Variants in NUP62CL observed in about 807,000 individuals in gnomAD.
NUP62CL encodes nucleoporin 62 C-terminal like.
NUP62CL carries 13 observed loss-of-function variants against 15.3 expected under a neutral mutation model. That is an observed-to-expected ratio of 0.85 (90% confidence interval 0.55 to 1.35). NUP62CL has a LOEUF of 1.35. NUP62CL is among the 40% of genes most tolerant of loss of function. The probability of loss-of-function intolerance (pLI) is 0.00; values close to 1 mark genes in which losing one functional copy is unlikely to be tolerated. For missense variants in NUP62CL, 123 were observed against 130.6 expected, an observed-to-expected ratio of 0.94 and a Z score of 0.28; for synonymous variants, 54 against 49.2, an observed-to-expected ratio of 1.10 and a Z score of -0.41.
At chrX:107,145,535 C>G (rs1490586923) in intron 8 of NUP62CL, among the ~76,000 whole-genome samples, 1 of 111,323 alleles carries the variant, frequency 9.0e-6, no homozygotes, top group Non-Finnish European at 1.9e-5. Context: ...CTAAATCTTC[C>G]TCTTTGCAAA....
chrX:107,201,239 C>T (rs1015393214), intron 1 of NUP62CL, among the ~76,000 whole-genome samples: 14 of 111,022 alleles, frequency 1.3e-4, no homozygotes, highest in South Asian at 1.1e-3. Flanking sequence ...TTAAACTGTA[C>T]AATTTTGGTA....
chrX:107,177,601 C>G (rs1321428611), intron 2 of NUP62CL, among the ~76,000 whole-genome samples: 1 of 111,498 alleles, frequency 9.0e-6, no homozygotes, highest in African/African-American at 3.3e-5. Context: ...ATTGCTGATA[C>G]AAATGGCCAA....
intron 2 of NUP62CL, among the ~76,000 whole-genome samples, chrX:107,181,826 A>T (rs1020794151): frequency 6.2e-5 from 7 of 112,197 alleles, no homozygotes; most frequent in Non-Finnish European, 1.3e-4. Context: ...GCATATTTTT[A>T]AAAGTTTACT....
chrX:107,126,917 C>T (rs909439728), intron 8 of NUP62CL, among the ~76,000 whole-genome samples: 5 of 110,340 alleles, frequency 4.5e-5, no homozygotes, highest in Non-Finnish European at 9.5e-5. Flanking sequence ...GCCTGTAATC[C>T]CAGCTACTCA....
intron 8 of NUP62CL, among the ~76,000 whole-genome samples, chrX:107,144,761 T>C: frequency 9.0e-6 from 1 of 111,407 alleles, no homozygotes; most frequent in East Asian, 2.8e-4. Context: ...GGTGATAAAC[T>C]ACCTGGAACT....
chrX:107,191,844 T>C (rs1927251118), intron 2 of NUP62CL, among the ~76,000 whole-genome samples: 2 of 112,415 alleles, frequency 1.8e-5, no homozygotes, highest in African/African-American at 3.2e-5. Context: ...TTATCTTTTT[T>C]TCCACACTAA....
chrX:107,179,193 G>T (rs1926856620), intron 2 of NUP62CL, among the ~76,000 whole-genome samples: 1 of 111,365 alleles, frequency 9.0e-6, no homozygotes. Flanking sequence ...TTTAATATGG[G>T]TTTCATTGCT....
At chrX:107,190,380 A>G (rs771491535) in intron 2 of NUP62CL, among the ~76,000 whole-genome samples, 14 of 112,474 alleles carry the variant, frequency 1.2e-4, no homozygotes, top group South Asian at 3.7e-4. Context: ...AACAAGAAAT[A>G]TTTGTTAAAC....
chrX:107,187,338 T>G (rs1165779889), intron 2 of NUP62CL, among the ~76,000 whole-genome samples: 1 of 111,217 alleles, frequency 9.0e-6, no homozygotes, highest in Admixed American at 9.5e-5. Context: ...GACCAAAAAC[T>G]CAGTAAAATT....
intron 2 of NUP62CL, among the ~76,000 whole-genome samples, chrX:107,179,101 AAAAAG>A (rs975256580): frequency 3.6e-5 from 4 of 110,039 alleles, no homozygotes; most frequent in Non-Finnish European, 7.6e-5. Context: ...CTCAAAAAAA[AAAAAG>A]AAAAGAAAAG....
chrX:107,138,574 A>G (rs1327591613), intron 8 of NUP62CL, among the ~76,000 whole-genome samples: 1 of 112,281 alleles, frequency 8.9e-6, no homozygotes, highest in Non-Finnish European at 1.9e-5. Flanking sequence ...CAGCACCATC[A>G]TTCATCAGGG....
At chrX:107,170,871 G>C (rs1342347129) in intron 3 of NUP62CL, among the ~76,000 whole-genome samples, 1 of 111,900 alleles carries the variant, frequency 8.9e-6, no homozygotes, top group East Asian at 2.8e-4. Flanking sequence ...TTACAACTTT[G>C]GTCTTAACCA....
At chrX:107,161,818 A>G (rs12394829) in intron 4 of NUP62CL, among the ~76,000 whole-genome samples, 1 of 83,962 alleles carries the variant, frequency 1.2e-5, no homozygotes, top group East Asian at 4.0e-4. Context: ...AATAAAAAAA[A>G]TTTAAAAAAA....
At chrX:107,200,193 T>C (rs959769097) in intron 1 of NUP62CL, among the ~76,000 whole-genome samples, 5 of 112,156 alleles carry the variant, frequency 4.5e-5, no homozygotes, top group South Asian at 3.7e-4. Flanking sequence ...CATTAAGTTC[T>C]TTTTTCCCCC....
intron 2 of NUP62CL, among the ~76,000 whole-genome samples, chrX:107,179,474 C>G (rs1926864380): frequency 9.0e-6 from 1 of 111,248 alleles, no homozygotes; most frequent in Non-Finnish European, 1.9e-5. Context: ...TCCATGTGTA[C>G]CTACCGTTTA....
At chrX:107,167,591 G>T in intron 4 of NUP62CL, 58 bp downstream of exon 4, 1 of 876,706 alleles carries the variant, frequency 1.1e-6, no homozygotes. Context: ...CCAAGCAAAT[G>T]TCTTGTACAT....
At chrX:107,197,205 C>T (rs1026003178) in intron 1 of NUP62CL, among the ~76,000 whole-genome samples, 15 of 111,427 alleles carry the variant, frequency 1.3e-4, no homozygotes, top group Non-Finnish European at 2.8e-4. Flanking sequence ...TTTTCCCAGG[C>T]GTGGAAGTTA....
At chrX:107,131,863 G>A in intron 8 of NUP62CL, 2 of 1,014,975 alleles carry the variant, frequency 2.0e-6, no homozygotes, top group Non-Finnish European at 2.8e-6. Context: ...TATATTTGAA[G>A]AAAATGTTGA....
In NUP62CL at chrX:107,152,151, GAT is replaced by G. The variant is rs760687909; in HGVS notation, c.530+1019_530+1020del. Among the ~76,000 whole-genome samples the G allele has an allele frequency of 8.1e-3, 345 of 42,684 alleles. 5 individuals are homozygous for G. Among genetic ancestry groups the G allele is most frequent in the East Asian group, 0.054 (48 of 896 alleles). The allele number at this position is 42,684 out of a possible 115,157, so 37.1% of individuals were successfully genotyped here. ...ATATATTCAGATATATATATATTCAGATATATATATATATATTCAGATATATA... is the reference window on the plus strand; with the variant it reads ...ATATATTCAGATATATATATATTCAGATATATATATATATTCAGATATATA... On this transcript the variant is annotated intron_variant, in intron 7 of 8. Transcript: ENST00000372466.
Sources: gnomAD v4.1 joint callset for allele counts (sites outside exome capture counted in the v4.1 genomes callset) on GRCh38, gnomAD v4.1.1 for gene constraint, MANE v1.5 for transcripts, NCBI Gene and HGNC (gene_info 2026-07-23, HGNC 2026-07-21) for gene names.